PRCP: variants seen among roughly 807,000 people sequenced by gnomAD.
PRCP encodes the protein prolylcarboxypeptidase.
A neutral mutation model predicts 54.2 loss-of-function variants in PRCP; 46 were observed. The ratio of observed to expected loss-of-function variants is 0.85; its 90% confidence interval spans 0.67 to 1.09. The LOEUF (loss-of-function observed/expected upper bound fraction) is 1.09. Among genes scored for constraint, PRCP ranks in the 50% least tolerant of loss-of-function variants. PRCP has a pLI of 0.00. For missense variants in PRCP, 613 were observed against 596.8 expected (o/e 1.03, Z -0.28); for synonymous variants, 240 against 212.2 (o/e 1.13, Z -1.14).
At chr11:82,835,958 C>CAGGGCAAATGGCTTGCTTGAGCCCAG in intron 8 of PRCP, 1 of 294,238 alleles carries the variant, frequency 3.4e-6, no homozygotes, top group Non-Finnish European at 6.7e-6. Flanking sequence ...TTTGGGAGGC[C>CAGGGCAAATGGCTTGCTTGAGCCCAG]GAGTCAGGTG....
At chr11:82,868,026 T>G (rs1859383421) in intron 1 of PRCP, among the ~76,000 whole-genome samples, 1 of 152,190 alleles carries the variant, frequency 6.6e-6, no homozygotes, top group African/African-American at 2.4e-5. Flanking sequence ...TATTATATGT[T>G]CACATGATTG....
intron 1 of PRCP, among the ~76,000 whole-genome samples, chr11:82,890,652 AC>A (rs1333217027): frequency 1.3e-5 from 2 of 152,178 alleles, no homozygotes; most frequent in East Asian, 3.9e-4. Flanking sequence ...AAAGATTACC[AC>A]ACTCGTGGTC....
intron 2 of PRCP, 112 bp from the exon 3 acceptor site, chr11:82,853,390 T>C (rs1278897387): frequency 4.3e-6 from 3 of 700,224 alleles, no homozygotes; most frequent in African/African-American, 3.7e-5. Flanking sequence ...AAGAGCACTC[T>C]ACAAAGTTGC....
At chr11:82,825,986 C>T (rs976295453) in intron 8 of PRCP, 2 of 152,136 alleles carry the variant, frequency 1.3e-5, no homozygotes, top group Non-Finnish European at 2.9e-5. Context: ...ATTCATCTAC[C>T]ACAGAATTTG....
intron 1 of PRCP, among the ~76,000 whole-genome samples, chr11:82,868,315 TCA>T (rs1052486774): frequency 7.0e-4 from 107 of 152,330 alleles, no homozygotes; most frequent in Middle Eastern, 3.4e-3. Context: ...TTGCACTAAA[TCA>T]CATTAATATT....
upstream of PRCP, chr11:82,901,324 C>A (rs1038494490): frequency 5.7e-5 from 12 of 209,172 alleles, no homozygotes; most frequent in Non-Finnish European, 1.2e-4. Flanking sequence ...GCGCTCCACC[C>A]CCCTCCTGCC....
At chr11:82,826,544 A>T (rs1175095657) in intron 8 of PRCP, 1 of 152,204 alleles carries the variant, frequency 6.6e-6, no homozygotes, top group Non-Finnish European at 1.5e-5. Flanking sequence ...TACTTTCCAA[A>T]GGGACTACAC....
At chr11:82,892,581 T>C (rs1860029214) in intron 1 of PRCP, among the ~76,000 whole-genome samples, 1 of 152,220 alleles carries the variant, frequency 6.6e-6, no homozygotes, top group Non-Finnish European at 1.5e-5. Context: ...GTTTCTTTTA[T>C]TATAATAAAG....
chr11:82,849,229 A>T lies in PRCP; in HGVS notation c.752-11T>A. ...ACTGCAAACCACTGCCTGGGAATAG[A>T]ATCACACTGTTGGAATCTAAAAAGT... On this transcript the variant is annotated splice_polypyrimidine_tract_variant and intron_variant, in intron 5 of 8. Coordinates refer to ENST00000313010, the MANE Select transcript of PRCP (RefSeq NM_005040.4). The T allele has an allele frequency of 1.2e-6, 2 of 1,613,642 alleles. No homozygotes were observed. The highest frequency in any genetic ancestry group is 4.5e-5 in the East Asian group (2 of 44,884).
At chr11:82,865,280 G>T (rs543315665) in intron 1 of PRCP, among the ~76,000 whole-genome samples, 1 of 152,248 alleles carries the variant, frequency 6.6e-6, no homozygotes, top group African/African-American at 2.4e-5. Flanking sequence ...TGCAGATAAA[G>T]CTGACTATAA....
chr11:82,880,196 G>A (rs574078848), intron 1 of PRCP, among the ~76,000 whole-genome samples: 5 of 152,198 alleles, frequency 3.3e-5, no homozygotes, highest in South Asian at 2.1e-4. Context: ...CACCCAGTTC[G>A]AGCTTCCCGG....
At chr11:82,837,610 A>G (rs946735879) in intron 8 of PRCP, among the ~76,000 whole-genome samples, 2 of 152,238 alleles carry the variant, frequency 1.3e-5, no homozygotes. Context: ...ATGTAGTGGC[A>G]TCTCCTATTT....
chr11:82,890,421 CA>C (rs755948541), intron 1 of PRCP, among the ~76,000 whole-genome samples: 1 of 152,164 alleles, frequency 6.6e-6, no homozygotes, highest in Non-Finnish European at 1.5e-5. Flanking sequence ...TGACTATGGT[CA>C]AACTGTTCAT....
chr11:82,848,561 C>T lies in PRCP; in HGVS notation c.921+488G>A, dbSNP rs150417092. ...CTAATTTGATGTTCTTTCCACTCTA[C>T]TGTGCTGCATGGGGTCACTCTTCAC... On this transcript the variant is annotated intron_variant, in intron 6 of 8. Transcript: ENST00000313010. 2.9e-3 allele frequency among the ~76,000 whole-genome samples: 437 copies of T among 152,316 alleles called. 1 individual carries two copies. The highest frequency in any genetic ancestry group is 5.3e-3 in the Admixed American group (81 of 15,298).
In PRCP at chr11:82,836,791, A is replaced by G. The variant is rs114504606; in HGVS notation, c.1274+1596T>C. 2,165 of 254,300 alleles carry G rather than the reference A, an allele frequency of 8.5e-3. 42 individuals carry two copies. The highest frequency in any genetic ancestry group is 0.045 in the African/African-American group (1,948 of 43,022). The allele number at this position is 254,300 out of a possible 1,614,324, so 15.8% of individuals were successfully genotyped here. On this transcript the variant is annotated intron_variant, in intron 8 of 8. Transcript: ENST00000313010. ...TCAAACTCCTGGGCTCAAGCAAGCC[A>G]TTTGCCCTGGCCTCCCAAAGTGCTG...
At chr11:82,842,073 G>A (rs575451370) in intron 6 of PRCP, among the ~76,000 whole-genome samples, 20 of 152,286 alleles carry the variant, frequency 1.3e-4, no homozygotes, top group Admixed American at 9.1e-4. Context: ...AGGTAGTGAT[G>A]TGCAGCAACA....
At chr11:82,827,841 G>A (rs1334015194) in intron 8 of PRCP, 1 of 152,136 alleles carries the variant, frequency 6.6e-6, no homozygotes, top group Admixed American at 6.5e-5. Context: ...CGTTGAATCT[G>A]TGGATCAACT....
At chr11:82,888,469 A>G (rs1859920176) in intron 1 of PRCP, among the ~76,000 whole-genome samples, 1 of 152,238 alleles carries the variant, frequency 6.6e-6, no homozygotes, top group South Asian at 2.1e-4. Flanking sequence ...GTTTACTTTA[A>G]CACTCCAATA....
chr11:82,865,075 C>T (rs1055059095), intron 1 of PRCP, among the ~76,000 whole-genome samples: 3 of 152,150 alleles, frequency 2.0e-5, no homozygotes, highest in African/African-American at 7.2e-5. Context: ...TCGGCAGTTA[C>T]CCTCTGGGGC....
Sources: allele counts gnomAD v4.1 joint callset (sites outside exome capture counted in the v4.1 genomes callset), GRCh38; gene constraint gnomAD v4.1.1; transcripts MANE v1.5; gene names NCBI Gene and HGNC (gene_info 2026-07-23, HGNC 2026-07-21).